PRKN: variants seen among roughly 807,000 people sequenced by gnomAD.
The protein encoded by PRKN is E3 ubiquitin-protein ligase parkin.
In PRKN, 56 loss-of-function variants were observed where a neutral mutation model predicts 59.5. The observed-to-expected ratio is 0.94, with a 90% CI of 0.76 to 1.18. PRKN has a LOEUF of 1.18. PRKN is among the 50% of genes most tolerant of loss of function. The pLI is 0.00. For synonymous variants in PRKN, 250 were observed against 222.1 expected (o/e 1.13, Z -1.12); for missense variants, 657 against 596.4 (o/e 1.10, Z -1.06).
chr6:161,480,994 G>C lies in PRKN; in HGVS notation c.1083+67860C>G, dbSNP rs1306951433. Among the ~76,000 whole-genome samples, 1 of 152,212 alleles carries C rather than the reference G, an allele frequency of 6.6e-6. No individual in the cohort carries two copies. Among genetic ancestry groups the C allele is most frequent in the Non-Finnish European group, 1.5e-5 (1 of 68,046 alleles). Reference sequence around the variant, plus strand: ...AGCCACGAAGAGGGGGTTCCTGAGGGAAGCACGAGACGCGGGCTCCAGGCA... The same window carrying C: ...AGCCACGAAGAGGGGGTTCCTGAGGCAAGCACGAGACGCGGGCTCCAGGCA... On this transcript the variant is annotated intron_variant, in intron 9 of 11. Transcript: ENST00000366898. This position sits in a 1 kb window ranked among gnomAD's most constrained non-coding sequence, Gnocchi z 4.1.
chr6:162,061,311 C>G (rs1334306521), intron 4 of PRKN, among the ~76,000 whole-genome samples: 1 of 152,176 alleles, frequency 6.6e-6, no homozygotes, highest in Non-Finnish European at 1.5e-5. Flanking sequence ...GTTGCTGGCA[C>G]ATAGAGAGTT....
chr6:161,932,482 G>A (rs544276175), intron 6 of PRKN, among the ~76,000 whole-genome samples: 1 of 152,196 alleles, frequency 6.6e-6, no homozygotes, highest in African/African-American at 2.4e-5. Flanking sequence ...AAATTTCAAA[G>A]TAAGATAAAA....
chr6:161,672,557 C>G (rs1236247803), intron 7 of PRKN, among the ~76,000 whole-genome samples: 2 of 152,164 alleles, frequency 1.3e-5, no homozygotes, highest in African/African-American at 4.8e-5. Context: ...CAGTGGATCA[C>G]CTGAGGTCAG....
At chr6:161,383,768 G>T (rs748473777) in intron 10 of PRKN, among the ~76,000 whole-genome samples, 1 of 152,180 alleles carries the variant, frequency 6.6e-6, no homozygotes, top group African/African-American at 2.4e-5. Context: ...CGCCTCTGCA[G>T]GTCATCCCTT....
At chr6:162,011,968 C>G (rs1242001728) in intron 5 of PRKN, among the ~76,000 whole-genome samples, 1 of 151,958 alleles carries the variant, frequency 6.6e-6, no homozygotes, top group African/African-American at 2.4e-5. Context: ...AGCTAGCTAG[C>G]TAGAGGATAG....
intron 9 of PRKN, among the ~76,000 whole-genome samples, chr6:161,394,181 G>A (rs983232343): frequency 1.3e-5 from 2 of 152,178 alleles, no homozygotes; most frequent in South Asian, 4.1e-4. Context: ...AGAAAGTAAG[G>A]TTATTTCCTT....
intron 2 of PRKN, among the ~76,000 whole-genome samples, chr6:162,415,265 G>T (rs1788570675): frequency 6.6e-6 from 1 of 152,120 alleles, no homozygotes; most frequent in Admixed American, 6.5e-5. Flanking sequence ...ATTTTAACAC[G>T]AGTGTCACAC....
intron 6 of PRKN, among the ~76,000 whole-genome samples, chr6:161,895,495 T>C (rs9355369): frequency 0.37 from 43,202 of 118,154 alleles, 7,995 homozygotes; most frequent in East Asian, 0.58. Context: ...GATTCAGGAG[T>C]ACGCCCACCC....
At chr6:161,700,236 C>T (rs186476507) in intron 7 of PRKN, among the ~76,000 whole-genome samples, 2 of 152,158 alleles carry the variant, frequency 1.3e-5, no homozygotes, top group East Asian at 3.9e-4. Flanking sequence ...CCTACTTCAC[C>T]TTGATTTGGG....
At chr6:161,749,014 C>T (rs550603310) in intron 7 of PRKN, among the ~76,000 whole-genome samples, 1 of 152,276 alleles carries the variant, frequency 6.6e-6, no homozygotes, top group East Asian at 1.9e-4. Context: ...TTTCGAAGGG[C>T]TGGGAGAGAT....
rs938052664 is a variant in PRKN at position 161,483,626 on chromosome 6, T to C, written c.1083+65228A>G. ...TCCCTAAAGGTGACATCTACATTAA[T>C]GCCCCTCATCCCCAATAGAGAGCAC... On this transcript the variant is annotated intron_variant, in intron 9 of 11. Coordinates refer to ENST00000366898, the MANE Select transcript of PRKN (RefSeq NM_004562.3). The surrounding 1 kb of genome is among the most constrained non-coding windows in gnomAD (Gnocchi z 5.0). 2.0e-5 allele frequency among the ~76,000 whole-genome samples: 3 copies of C among 152,196 alleles called. No homozygotes were observed. Among genetic ancestry groups the C allele is most frequent in the African/African-American group, 4.8e-5 (2 of 41,454 alleles).
chr6:162,082,970 TA>T (rs886732567), intron 4 of PRKN, among the ~76,000 whole-genome samples: 8 of 152,190 alleles, frequency 5.3e-5, no homozygotes, highest in East Asian at 3.9e-4. Flanking sequence ...TTCATTCTTT[TA>T]AAAAAATTAT....
At chr6:162,166,975 G>T (rs1327405717) in intron 4 of PRKN, among the ~76,000 whole-genome samples, 2 of 152,050 alleles carry the variant, frequency 1.3e-5, no homozygotes, top group Admixed American at 1.3e-4. Flanking sequence ...ACTCCCAAAT[G>T]AACCACCTGC....
At chr6:162,438,348 T>A (rs562751134) in intron 2 of PRKN, among the ~76,000 whole-genome samples, 1 of 152,200 alleles carries the variant, frequency 6.6e-6, no homozygotes, top group Non-Finnish European at 1.5e-5. Flanking sequence ...AAACAGTGCA[T>A]TGTATTTAAC....
chr6:162,635,930 T>C (rs1777694100), intron 1 of PRKN, among the ~76,000 whole-genome samples: 1 of 152,140 alleles, frequency 6.6e-6, no homozygotes, highest in Non-Finnish European at 1.5e-5. Flanking sequence ...GCCTCCCAAA[T>C]GAAAACCATT....
rs189649696 is a variant in PRKN, at chr6:162,523,058, C to T, written c.8-79585G>A. ...TCCTGATACAGTCACATCCAAGAAGCTCTAAAGCCCAATGGCTCAACTGTG... is the reference window on the plus strand; with the variant it reads ...TCCTGATACAGTCACATCCAAGAAGTTCTAAAGCCCAATGGCTCAACTGTG... On this transcript the variant is annotated intron_variant, in intron 1 of 11. Coordinates refer to ENST00000366898, the MANE Select transcript of PRKN (RefSeq NM_004562.3). Among the ~76,000 whole-genome samples the T allele has an allele frequency of 4.3e-3, 651 of 152,290 alleles. 2 individuals are homozygous for T. The highest frequency in any genetic ancestry group is 7.3e-3 in the Non-Finnish European group (500 of 68,034).
chr6:161,934,870 C>G (rs1779295815), intron 6 of PRKN, among the ~76,000 whole-genome samples: 1 of 152,018 alleles, frequency 6.6e-6, no homozygotes, highest in Non-Finnish European at 1.5e-5. Context: ...GTTTTTTTCT[C>G]CCTAAAACTA....
At chr6:161,627,406 C>G (rs114983362) in intron 7 of PRKN, among the ~76,000 whole-genome samples, 2,055 of 152,314 alleles carry the variant, frequency 0.013, 39 homozygotes, top group African/African-American at 0.047. Context: ...ATCACTGTGT[C>G]ATGTGATGTA....
intron 5 of PRKN, among the ~76,000 whole-genome samples, chr6:161,984,718 A>C (rs1781373363): frequency 1.3e-5 from 2 of 152,100 alleles, no homozygotes; most frequent in African/African-American, 4.8e-5. Flanking sequence ...TCACTGGGGA[A>C]TTTTTCAGAG....
Sources: gnomAD v4.1 joint callset for allele counts (sites outside exome capture counted in the v4.1 genomes callset) on GRCh38, gnomAD v4.1.1 for gene constraint, Gnocchi (gnomAD v3.1) non-coding constraint, MANE v1.5 for transcripts, NCBI Gene and HGNC (gene_info 2026-07-23, HGNC 2026-07-21) for gene names.